Variants in ITCH observed in about 807,000 individuals in gnomAD.
ITCH encodes itchy E3 ubiquitin protein ligase, also known as E3 ubiquitin-protein ligase Itchy homolog.
A neutral mutation model predicts 126.8 loss-of-function variants in ITCH; 28 were observed. That is an observed-to-expected ratio of 0.22 (90% CI 0.16 to 0.30). The LOEUF (loss-of-function observed/expected upper bound fraction) is 0.30. ITCH is among the 10% of genes least tolerant of loss of function. The pLI, the probability that ITCH is intolerant of heterozygous loss-of-function variation, is 1.00. For missense variants in ITCH, 631 were observed against 1,032.4 expected (o/e 0.61, Z 5.33); for synonymous variants, 342 against 340.0 (o/e 1.01, Z -0.06).
At chr20:34,419,104 T>C (rs1414500791) in intron 6 of ITCH, among the ~76,000 whole-genome samples, 2 of 152,186 alleles carry the variant, frequency 1.3e-5, no homozygotes, top group African/African-American at 4.8e-5. Context: ...TTTGTCTTAC[T>C]TTATGAGAGG....
chr20:34,487,963 A>G (rs1989247241), intron 20 of ITCH, among the ~76,000 whole-genome samples: 1 of 152,202 alleles, frequency 6.6e-6, no homozygotes, highest in African/African-American at 2.4e-5. Flanking sequence ...AGAAGCTCAT[A>G]ATAATATAAT....
intron 10 of ITCH, 23 bp from the exon 11 acceptor site, chr20:34,445,264 T>G (rs1274077848): frequency 6.3e-7 from 1 of 1,585,336 alleles, no homozygotes; most frequent in Admixed American, 1.8e-5. Context: ...TAGCTTGTTT[T>G]TTTTTTTTTT....
At chr20:34,458,952 A>G (rs1008798152) in intron 13 of ITCH, among the ~76,000 whole-genome samples, 19 of 152,202 alleles carry the variant, frequency 1.2e-4, no homozygotes, top group African/African-American at 2.9e-4. Context: ...CTGTAATACT[A>G]TGCATTTATC....
intron 24 of ITCH, among the ~76,000 whole-genome samples, chr20:34,505,589 G>C (rs1042849882): frequency 1.3e-5 from 2 of 149,464 alleles, no homozygotes; most frequent in African/African-American, 2.5e-5. Context: ...GTCTCTCTCT[G>C]TCACCCAGGC....
At chr20:34,493,705 T>C (rs1989670630) in intron 23 of ITCH, among the ~76,000 whole-genome samples, 3 of 152,166 alleles carry the variant, frequency 2.0e-5, no homozygotes. Context: ...CTGAGCAGCT[T>C]AGAACCTGCT....
chr20:34,482,465 A>G (rs1252436037), intron 20 of ITCH, among the ~76,000 whole-genome samples: 1 of 152,224 alleles, frequency 6.6e-6, no homozygotes, highest in Non-Finnish European at 1.5e-5. Flanking sequence ...GGCCAAAACA[A>G]AGGAGCTACA....
At chr20:34,415,286 A>G (rs181701974) in intron 6 of ITCH, among the ~76,000 whole-genome samples, 79 of 152,276 alleles carry the variant, frequency 5.2e-4, no homozygotes, top group Non-Finnish European at 8.8e-4. Flanking sequence ...GGCTGGGCAC[A>G]GTGGCTCACA....
At chr20:34,463,091 A>C (rs1208454839) in intron 14 of ITCH, among the ~76,000 whole-genome samples, 1 of 152,158 alleles carries the variant, frequency 6.6e-6, no homozygotes, top group Non-Finnish European at 1.5e-5. Context: ...GGCCGGGCGC[A>C]GTGGCTCATG....
intron 2 of ITCH, among the ~76,000 whole-genome samples, chr20:34,371,828 T>C (rs1223505797): frequency 1.3e-5 from 2 of 152,168 alleles, no homozygotes; most frequent in Non-Finnish European, 2.9e-5. Context: ...AATTCTGTGA[T>C]CTTGGGCAGC....
chr20:34,428,986 G>C (rs111755152), intron 7 of ITCH, among the ~76,000 whole-genome samples: 4 of 152,138 alleles, frequency 2.6e-5, no homozygotes, highest in Non-Finnish European at 5.9e-5. Context: ...TGCCCAGGCT[G>C]GAGTGCAGTG....
intron 7 of ITCH, among the ~76,000 whole-genome samples, chr20:34,434,272 C>G (rs1982721868): frequency 1.3e-5 from 2 of 151,966 alleles, no homozygotes; most frequent in African/African-American, 4.8e-5. Flanking sequence ...TGTGCCACGG[C>G]ACTCCAGCCT....
chr20:34,451,614 A>T (rs1297412330), intron 12 of ITCH, among the ~76,000 whole-genome samples: 1 of 152,206 alleles, frequency 6.6e-6, no homozygotes, highest in East Asian at 1.9e-4. Context: ...CTTACAAGGC[A>T]TATTAAACTT....
intron 4 of ITCH, among the ~76,000 whole-genome samples, chr20:34,412,003 A>G (rs1257844089): frequency 1.3e-5 from 2 of 152,192 alleles, no homozygotes; most frequent in Non-Finnish European, 2.9e-5. Context: ...TTTAATATAA[A>G]GTTTAATGTC....
chr20:34,389,762 G>A (rs976630622), intron 2 of ITCH, among the ~76,000 whole-genome samples: 1 of 152,128 alleles, frequency 6.6e-6, no homozygotes, highest in Non-Finnish European at 1.5e-5. Flanking sequence ...TGACCACTGG[G>A]GAGGTTAGAT....
At chr20:34,426,797 T>A (rs572026930) in intron 7 of ITCH, among the ~76,000 whole-genome samples, 3 of 149,564 alleles carry the variant, frequency 2.0e-5, no homozygotes, top group South Asian at 4.2e-4. Flanking sequence ...TTTTTTGAGG[T>A]GTTGTCTCAC....
At chr20:34,419,320 C>G (rs1980415332) in intron 6 of ITCH, among the ~76,000 whole-genome samples, 1 of 152,126 alleles carries the variant, frequency 6.6e-6, no homozygotes, top group African/African-American at 2.4e-5. Context: ...TTGCATCCAC[C>G]TGTATTTTTC....
chr20:34,472,957 G>T (rs947395377), intron 16 of ITCH, among the ~76,000 whole-genome samples: 3 of 152,090 alleles, frequency 2.0e-5, no homozygotes, highest in African/African-American at 7.2e-5. Flanking sequence ...CCTCTTACCA[G>T]TCCTGGAAAG....
intron 6 of ITCH, among the ~76,000 whole-genome samples, chr20:34,414,759 C>T (rs188670991): frequency 2.2e-4 from 33 of 152,232 alleles, no homozygotes; most frequent in African/African-American, 7.5e-4. Flanking sequence ...GGATTACAGG[C>T]GTGAGCCACT....
At chr20:34,388,760 A>T (rs1203677272) in intron 2 of ITCH, among the ~76,000 whole-genome samples, 1 of 152,194 alleles carries the variant, frequency 6.6e-6, no homozygotes, top group African/African-American at 2.4e-5. Context: ...TTCTCCTCCA[A>T]ATGAGAGCAC....
Sources: allele counts gnomAD v4.1 joint callset (sites outside exome capture counted in the v4.1 genomes callset), GRCh38; gene constraint gnomAD v4.1.1; transcripts MANE v1.5; gene names NCBI Gene and HGNC (gene_info 2026-07-23, HGNC 2026-07-21).